Variants in PARP1 observed in about 807,000 individuals in gnomAD.
PARP1 encodes the protein poly [ADP-ribose] polymerase 1.
In PARP1, 44 loss-of-function variants were observed where a neutral mutation model predicts 118.7. The ratio of observed to expected loss-of-function variants is 0.37; its 90% confidence interval spans 0.29 to 0.48. PARP1 has a LOEUF of 0.48. Among genes scored for constraint, PARP1 ranks in the 20% least tolerant of loss-of-function variants. The pLI, the probability that PARP1 is intolerant of heterozygous loss-of-function variation, is 0.99. For synonymous variants in PARP1, 492 were observed against 483.2 expected, an observed-to-expected ratio of 1.02 and a Z score of -0.24; for missense variants, 1,100 against 1,272.4, an observed-to-expected ratio of 0.86 and a Z score of 2.06.
chr1:226,396,646 T>C (rs918591885), intron 2 of PARP1, among the ~76,000 whole-genome samples: 1 of 152,218 alleles, frequency 6.6e-6, no homozygotes, highest in African/African-American at 2.4e-5. Context: ...AATTAGTAGG[T>C]AGTATCCTAA....
rs201652970 is a variant in PARP1 at position 226,368,249 on chromosome 1, C to T, written c.2227G>A (p.Asp743Asn). The T allele has an allele frequency of 6.2e-6, 10 of 1,614,044 alleles. No individual in the cohort carries two copies. The highest frequency in any genetic ancestry group is 1.3e-5 in the African/African-American group (1 of 74,906). ...SNRFYTLIPH[D>N]FGMKKPPLLN... ...AGCGGAGGCTTCTTCATCCCAAAGT[C>T]GTGGGGGATCAGGGTGTAAAAGCGA... The change falls in exon 16 of 23, where the codon GAC (aspartate) becomes AAC (asparagine). Residue 743 changes from aspartate to asparagine, a missense_variant. Coordinates refer to ENST00000366794, the MANE Select transcript of PARP1 (RefSeq NM_001618.4).
intron 2 of PARP1, chr1:226,401,916 A>G: frequency 1.5e-6 from 2 of 1,321,590 alleles, no homozygotes; most frequent in Non-Finnish European, 2.0e-6. Context: ...GGGAGGGGGT[A>G]CTGGAAACTC....
rs992042743 is a variant in PARP1, at chr1:226,368,059, C to T, written c.2277+140G>A. ...CTGCCTCCATCAATGTGGGTAGAAA[C>T]CCAACTTCAAAACAAGGGCAAGAGG... On this transcript the variant is annotated intron_variant, in intron 16 of 22. Transcript: ENST00000366794. 1.4e-5 allele frequency: 17 copies of T among 1,211,178 alleles called. No homozygotes were observed. The African/African-American group carries it at 1.9e-4, about 14-fold the overall frequency. 75.0% of individuals were successfully genotyped at this position (1,211,178 alleles called of 1,614,324 possible). A position where few individuals can be genotyped will look rare whatever the true frequency, so the allele number is the denominator to read the frequency against.
intron 2 of PARP1, among the ~76,000 whole-genome samples, chr1:226,400,736 G>T (rs888922779): frequency 1.4e-4 from 21 of 152,336 alleles, no homozygotes; most frequent in African/African-American, 5.0e-4. Context: ...CTGTGCAGAG[G>T]CCAGGAACAC....
intron 15 of PARP1, among the ~76,000 whole-genome samples, chr1:226,369,240 C>T (rs3219115): frequency 0.22 from 33,105 of 152,120 alleles, 4,239 homozygotes; most frequent in African/African-American, 0.34. Context: ...TCCGGTTCAG[C>T]GCCTTTTCTC....
At chr1:226,369,563 C>T (rs1012224137) in intron 15 of PARP1, among the ~76,000 whole-genome samples, 1 of 152,164 alleles carries the variant, frequency 6.6e-6, no homozygotes, top group Non-Finnish European at 1.5e-5. Context: ...TTGAAGTATG[C>T]GGGTCCACTT....
rs749202000 is a variant in PARP1 at position 226,402,377 on chromosome 1, C to T, written c.123G>A (p.Ser41=). Residue 41 remains serine, a splice_region_variant and synonymous_variant, in exon 2 of 23, where the codon TCG becomes TCA. Transcript: ENST00000366794. The stretch of plus-strand genomic sequence containing the variant: ...GTGGGACTTTTCCATCAAACATGGG[C>T]GACTAGAAGGAAGAGAAACAGAGGG... ...DSLRMAIMVQ[S]PMFDGKVPHW... 3.9e-5 allele frequency: 63 copies of T among 1,612,410 alleles called. No homozygotes were observed. Among genetic ancestry groups the T allele is most frequent in the Admixed American group, 1.3e-4 (8 of 59,958 alleles).
In PARP1 at chr1:226,390,604, C is replaced by G. The variant is rs755132754; in HGVS notation, c.423G>C (p.Lys141Asn). 1 of 1,614,176 alleles carries G rather than the reference C, an allele frequency of 6.2e-7. No individual in the cohort carries two copies. The highest frequency in any genetic ancestry group is 1.1e-5 in the South Asian group (1 of 91,082). ...GTGGCTTCTCCGGGTCCACCATCTT[C>G]TTGGACAGGCGCACCTGGCCCTGCA... ...KIEKGQVRLS[K>N]KMVDPEKPQL... is the part of the protein sequence containing the mutation. Residue 141 changes from lysine to asparagine, a missense_variant, in exon 4 of 23, where the codon AAG (lysine) becomes AAC (asparagine). Lys to Asn is a moderately conservative substitution (Grantham distance 94). Transcript: ENST00000366794.
intron 15 of PARP1, among the ~76,000 whole-genome samples, chr1:226,369,790 A>C (rs1043698752): frequency 6.6e-6 from 1 of 151,888 alleles, no homozygotes; most frequent in Non-Finnish European, 1.5e-5. Flanking sequence ...CCCCACCTCT[A>C]CTAAAAATAC....
chr1:226,404,095 C>T (rs974129492), intron 1 of PARP1, among the ~76,000 whole-genome samples: 1 of 152,194 alleles, frequency 6.6e-6, no homozygotes, highest in Non-Finnish European at 1.5e-5. Context: ...TCCCAATGCT[C>T]CTTCCACAGC....
chr1:226,369,426 T>C (rs776963705), intron 15 of PARP1, among the ~76,000 whole-genome samples: 2 of 152,190 alleles, frequency 1.3e-5, no homozygotes, highest in Non-Finnish European at 2.9e-5. Context: ...TCAAAGAATG[T>C]TGAAATAACA....
intron 7 of PARP1, 106 bp downstream of exon 7, chr1:226,385,398 G>T: frequency 2.2e-6 from 2 of 923,468 alleles, no homozygotes; most frequent in South Asian, 1.4e-5. Flanking sequence ...AAAGAAGTCT[G>T]AGGAACATGG....
Position 226,408,004 on chromosome 1 carries a change from G to C in PARP1, c.-75C>G, listed in dbSNP as rs1012462145. ...AAACACGCTGCCGCCTCGCCGCCTCGCGTGCGCTCACCCAGCCGCAGGCGC... is the reference window on the plus strand; with the variant it reads ...AAACACGCTGCCGCCTCGCCGCCTCCCGTGCGCTCACCCAGCCGCAGGCGC... On this transcript the variant is annotated 5_prime_UTR_variant, in exon 1 of 23. Coordinates refer to ENST00000366794, the MANE Select transcript of PARP1 (RefSeq NM_001618.4). 3 of 1,596,534 alleles carry C rather than the reference G, an allele frequency of 1.9e-6. No homozygotes were observed.
rs544759444 is a variant in PARP1, at chr1:226,393,657, T to C, written c.287-1343A>G. ...TCCTGAAATTCTAAATCAGGCAAAATTAATCTATGGGGATAGAAATCAGAA... is the reference window on the plus strand; with the variant it reads ...TCCTGAAATTCTAAATCAGGCAAAACTAATCTATGGGGATAGAAATCAGAA... On this transcript the variant is annotated intron_variant, in intron 2 of 22. Transcript: ENST00000366794. Among the ~76,000 whole-genome samples the C allele has an allele frequency of 3.3e-5, 5 of 152,286 alleles. No individual in the cohort carries two copies. The South Asian group carries it at 1.0e-3, about 32-fold the overall frequency.
At chr1:226,407,718 C>A in intron 1 of PARP1, 92 bp downstream of exon 1, 1 of 1,337,292 alleles carries the variant, frequency 7.5e-7, no homozygotes. Context: ...CGGGCCCGCT[C>A]GCTCCCTGGG....
Position 226,381,054 on chromosome 1 carries a change from C to T in PARP1, c.1300+14G>A, listed in dbSNP as rs2102736196. ...AAGCATTGTCCCTGTTGCACAAATT[C>T]AGATTCAACTCACTTTTGGTGCTGA... On this transcript the variant is annotated intron_variant, in intron 9 of 22. Transcript: ENST00000366794. 6.2e-7 allele frequency: 1 copy of T among 1,614,124 alleles called. No individual in the cohort carries two copies. The highest frequency in any genetic ancestry group is 8.5e-7 in the Non-Finnish European group (1 of 1,179,962).
In PARP1 at chr1:226,386,296, C is replaced by T. The variant is rs372802225; in HGVS notation, c.834+30G>A. On this transcript the variant is annotated intron_variant, in intron 6 of 22. Coordinates refer to ENST00000366794, the MANE Select transcript of PARP1 (RefSeq NM_001618.4). The stretch of plus-strand genomic sequence containing the variant: ...ACAACGACGGGGTCGGCCTCACATG[C>T]GTGTCCCACTTAACACAAAGGCAGC... The T allele has an allele frequency of 1.1e-5, 15 of 1,360,446 alleles. No individual in the cohort carries two copies. The South Asian group carries it at 1.2e-4, about 11-fold the overall frequency. The allele number at this position is 1,360,446 out of a possible 1,614,324, so 84.3% of individuals were successfully genotyped here. A position where few individuals can be genotyped will look rare whatever the true frequency, so the allele number is the denominator to read the frequency against.
At position 226,379,934 on chromosome 1, in the gene PARP1, C is replaced by G. The variant is rs745820900; in HGVS notation, c.1531G>C (p.Val511Leu). ...AALSKKSKGQVKEEGINKSEK... is the reference protein window; with the variant it reads ...AALSKKSKGQLKEEGINKSEK... ...TTGGGGCCCTCACCTTCCTCCTTGA[C>G]CTGGCCCTTGCTTTTTTTGGAGAGC... Residue 511 changes from valine to leucine, a missense_variant, in exon 10 of 23, where the codon GTC becomes CTC. Around this residue, in one of 2 missense-constraint regions of PARP1, gnomAD observed 948 missense variants for 1,031.8 expected, o/e 0.92. Transcript: ENST00000366794. 5 of 1,613,898 alleles carry G rather than the reference C, an allele frequency of 3.1e-6. No homozygotes were observed. The South Asian group carries it at 5.5e-5, about 18-fold the overall frequency.
intron 2 of PARP1, among the ~76,000 whole-genome samples, chr1:226,399,973 A>T (rs1209803847): frequency 6.6e-6 from 1 of 152,232 alleles, no homozygotes; most frequent in Non-Finnish European, 1.5e-5. Flanking sequence ...ACTGCACCCC[A>T]GCTTGGGTGA....
Sources: allele counts gnomAD v4.1 joint callset (sites outside exome capture counted in the v4.1 genomes callset), GRCh38; gene constraint gnomAD v4.1.1; regional missense constraint gnomAD v4.1.1; transcripts MANE v1.5; gene names NCBI Gene and HGNC (gene_info 2026-07-23, HGNC 2026-07-21).